THEMIS: variants seen among roughly 807,000 people sequenced by gnomAD.
THEMIS encodes protein THEMIS.
A neutral mutation model predicts 52.6 loss-of-function variants in THEMIS; 37 were observed. That is an observed-to-expected ratio of 0.70 (90% CI 0.54 to 0.93). The LOEUF is 0.93. Among genes scored for constraint, THEMIS ranks in the 40% least tolerant of loss-of-function variants. The pLI is 0.00. For missense variants in THEMIS, 808 were observed against 763.1 expected (o/e 1.06, Z -0.69); for synonymous variants, 292 against 272.7 (o/e 1.07, Z -0.70).
At chr6:127,770,146 G>A (rs1028903736) in intron 4 of THEMIS, among the ~76,000 whole-genome samples, 2 of 152,168 alleles carry the variant, frequency 1.3e-5, no homozygotes, top group Non-Finnish European at 2.9e-5. Flanking sequence ...CCAGTAATGG[G>A]ATCACTGGGC....
downstream of THEMIS, among the ~76,000 whole-genome samples, chr6:127,706,454 A>T (rs369504532): frequency 3.9e-5 from 6 of 152,074 alleles, no homozygotes; most frequent in Non-Finnish European, 7.4e-5. Context: ...GTCTGGCTTG[A>T]GTTCTCATAT....
intron 4 of THEMIS, among the ~76,000 whole-genome samples, chr6:127,788,029 C>G (rs974630384): frequency 8.7e-6 from 1 of 115,098 alleles, no homozygotes; most frequent in African/African-American, 3.3e-5. Context: ...CTAATGTTAT[C>G]CTGCACAGAC....
chr6:127,815,566 A>G (rs1004053171), intron 3 of THEMIS, among the ~76,000 whole-genome samples: 1 of 152,164 alleles, frequency 6.6e-6, no homozygotes, highest in Non-Finnish European at 1.5e-5. Context: ...AGATCTGCAA[A>G]ATTGTAAAGA....
the THEMIS span, among the ~76,000 whole-genome samples, chr6:127,700,854 A>G: frequency 6.6e-6 from 1 of 152,040 alleles, no homozygotes; most frequent in Non-Finnish European, 1.5e-5. Context: ...TAAAATATTT[A>G]TATGTGTAAA....
At chr6:127,777,160 G>A (rs898847194) in intron 4 of THEMIS, among the ~76,000 whole-genome samples, 1 of 147,054 alleles carries the variant, frequency 6.8e-6, no homozygotes, top group African/African-American at 2.5e-5. Context: ...GGTTATTGAT[G>A]TGTTTGAGTT....
chr6:127,857,891 G>A (rs968456927), intron 1 of THEMIS, among the ~76,000 whole-genome samples: 1 of 152,082 alleles, frequency 6.6e-6, no homozygotes, highest in Non-Finnish European at 1.5e-5. Flanking sequence ...GCATCATTGA[G>A]TTAGAGGATG....
chr6:127,892,208 C>A (rs1333115595), intron 1 of THEMIS, among the ~76,000 whole-genome samples: 1 of 152,180 alleles, frequency 6.6e-6, no homozygotes, highest in South Asian at 2.1e-4. Flanking sequence ...CCTTCAGCAC[C>A]ACTGGGCTGC....
chr6:127,862,292 A>G (rs1321623668), intron 1 of THEMIS, among the ~76,000 whole-genome samples: 1 of 152,058 alleles, frequency 6.6e-6, no homozygotes, highest in Non-Finnish European at 1.5e-5. Context: ...TTGTACTGGC[A>G]TTCTGATTTC....
downstream of THEMIS, among the ~76,000 whole-genome samples, chr6:127,703,910 A>C (rs1773766155): frequency 6.6e-6 from 1 of 152,158 alleles, no homozygotes. Flanking sequence ...GTCTAAGATC[A>C]AGGTACCAGA....
intron 4 of THEMIS, among the ~76,000 whole-genome samples, chr6:127,753,326 T>C (rs1343965696): frequency 6.6e-6 from 1 of 151,978 alleles, no homozygotes; most frequent in East Asian, 1.9e-4. Context: ...GGATACAAAA[T>C]CAATATACAA....
chr6:127,789,557 G>A (rs1009373497), intron 4 of THEMIS, among the ~76,000 whole-genome samples: 2 of 152,028 alleles, frequency 1.3e-5, no homozygotes, highest in African/African-American at 4.8e-5. Flanking sequence ...CCAAAACCTG[G>A]CAGAAAAACA....
At position 127,730,311 on chromosome 6, in the gene THEMIS, GAAAAGAGAAA is replaced by G. The variant is rs1432001919; in HGVS notation, c.1759-10498_1759-10489del. ...GAAAAGAAAAGAAAAGAAAAGAAAA[GAAAAGAGAAA>G]AAAAGAAAAGAAAAGAAAAGAAGAG... On this transcript the variant is annotated intron_variant, in intron 4 of 5. Transcript: ENST00000368248. Among the ~76,000 whole-genome samples the G allele has an allele frequency of 3.8e-3, 461 of 119,870 alleles. 6 individuals are homozygous for G. Among genetic ancestry groups the G allele is most frequent in the African/African-American group, 0.015 (441 of 29,224 alleles). The allele number at this position is 119,870 out of a possible 152,430, so 78.6% of individuals were successfully genotyped here. A position where few individuals can be genotyped will look rare whatever the true frequency, so the allele number is the denominator to read the frequency against.
At chr6:127,906,788 G>A (rs968390872) in intron 1 of THEMIS, among the ~76,000 whole-genome samples, 1 of 151,834 alleles carries the variant, frequency 6.6e-6, no homozygotes, top group African/African-American at 2.4e-5. Flanking sequence ...ATTATAGTTA[G>A]TATCATTATT....
chr6:127,716,984 C>T (rs534277517), intron 5 of THEMIS, among the ~76,000 whole-genome samples: 1 of 152,016 alleles, frequency 6.6e-6, no homozygotes, highest in Non-Finnish European at 1.5e-5. Context: ...GAGCATACTG[C>T]TCTCAAAGGC....
At chr6:127,726,136 G>T (rs1427958885) in intron 4 of THEMIS, among the ~76,000 whole-genome samples, 1 of 152,066 alleles carries the variant, frequency 6.6e-6, no homozygotes, top group Non-Finnish European at 1.5e-5. Context: ...GACATTCTTG[G>T]GCCCAATAGT....
At chr6:127,703,518 T>G (rs1773757063), downstream of THEMIS, among the ~76,000 whole-genome samples, 1 of 152,106 alleles carries the variant, frequency 6.6e-6, no homozygotes, top group African/African-American at 2.4e-5. Flanking sequence ...GTGTACCCAA[T>G]CATTGCACTG....
intron 4 of THEMIS, among the ~76,000 whole-genome samples, chr6:127,807,011 A>G (rs146731561): frequency 1.3e-5 from 2 of 152,300 alleles, no homozygotes; most frequent in Admixed American, 6.5e-5. Flanking sequence ...CTCAAAAACC[A>G]TGATTTATTA....
chr6:127,785,291 A>AACTG (rs1215491012), intron 4 of THEMIS, among the ~76,000 whole-genome samples: 3 of 146,194 alleles, frequency 2.1e-5, no homozygotes, highest in African/African-American at 8.0e-5. Context: ...TCATCTATCT[A>AACTG]TCTGTCTTTC....
At chr6:127,727,999 C>T (rs1168840569) in intron 4 of THEMIS, among the ~76,000 whole-genome samples, 4 of 152,164 alleles carry the variant, frequency 2.6e-5, no homozygotes, top group African/African-American at 9.7e-5. Flanking sequence ...TCTATAGATC[C>T]AGGCATGGCT....
Sources: gnomAD v4.1 joint callset for allele counts (sites outside exome capture counted in the v4.1 genomes callset) on GRCh38, gnomAD v4.1.1 for gene constraint, MANE v1.5 for transcripts, NCBI Gene and HGNC (gene_info 2026-07-23, HGNC 2026-07-21) for gene names.